GNAO1: variants seen among roughly 807,000 people sequenced by gnomAD.
The protein encoded by GNAO1 is guanine nucleotide-binding protein G(o) subunit alpha.
For synonymous variants in GNAO1, 164 were observed against 180.7 expected (o/e 0.91, Z 0.74); for missense variants, 166 against 478.7 (o/e 0.35, Z 6.10).
At chr16:56,285,455 C>T (rs1265015027) in intron 3 of GNAO1, among the ~76,000 whole-genome samples, 5 of 152,172 alleles carry the variant, frequency 3.3e-5, no homozygotes, top group Non-Finnish European at 7.3e-5. Context: ...ACCGCCTCCC[C>T]TCTGGAGAGG....
At chr16:56,262,600 T>TG (rs1175612163) in intron 2 of GNAO1, among the ~76,000 whole-genome samples, 5 of 152,188 alleles carry the variant, frequency 3.3e-5, no homozygotes, top group Non-Finnish European at 1.5e-5. Flanking sequence ...CAGCCGTACT[T>TG]GCGCATTCTC....
intron 2 of GNAO1, among the ~76,000 whole-genome samples, chr16:56,234,217 G>T (rs1472040433): frequency 6.6e-6 from 1 of 152,274 alleles, no homozygotes; most frequent in Non-Finnish European, 1.5e-5. Flanking sequence ...CCCAAGGAGA[G>T]TCTACCTGTC....
At chr16:56,228,343 T>C (rs2036553704) in intron 2 of GNAO1, among the ~76,000 whole-genome samples, 1 of 152,020 alleles carries the variant, frequency 6.6e-6, no homozygotes, top group South Asian at 2.1e-4. Flanking sequence ...ATGTTTGAGC[T>C]GGTAACCCTG....
chr16:56,351,687 G>T lies in GNAO1; in HGVS notation c.877+150G>T. 1.6e-6 allele frequency: 1 copy of T among 640,758 alleles called. No homozygotes were observed. Among genetic ancestry groups the T allele is most frequent in the Non-Finnish European group, 2.7e-6 (1 of 369,048 alleles). The allele number at this position is 640,758 out of a possible 1,614,324, so 39.7% of individuals were successfully genotyped here. On this transcript the variant is annotated intron_variant, in intron 7 of 8. Coordinates refer to ENST00000262493, the MANE Select transcript of GNAO1 (RefSeq NM_020988.3). This position sits in a 1 kb window ranked among gnomAD's most constrained non-coding sequence, Gnocchi z 6.1. ...TGGTGGGGCGCAAAAGAAAAACAGT[G>T]CTGTGCCACCAGGTTTGGGCTTCCC...
At chr16:56,232,989 C>CA (rs1269164371) in intron 2 of GNAO1, among the ~76,000 whole-genome samples, 7 of 152,206 alleles carry the variant, frequency 4.6e-5, no homozygotes, top group Non-Finnish European at 1.0e-4. Context: ...GGAAGGACTT[C>CA]ACCATAAGGA....
At chr16:56,273,826 C>G (rs140323712) in intron 2 of GNAO1, among the ~76,000 whole-genome samples, 143 of 152,322 alleles carry the variant, frequency 9.4e-4, no homozygotes, top group African/African-American at 3.1e-3. Flanking sequence ...AACAAGGACT[C>G]TTCACTCTGG....
Position 56,280,074 on chromosome 16 carries a change from G to T in GNAO1, c.303+4002G>T, listed in dbSNP as rs1384238126. Among the ~76,000 whole-genome samples the T allele has an allele frequency of 3.9e-5, 6 of 152,248 alleles. No individual in the cohort carries two copies. The East Asian group carries it at 9.6e-4, about 24-fold the overall frequency. On this transcript the variant is annotated intron_variant, in intron 3 of 8. Transcript: ENST00000262493. ...CACTACATCAACAGCTGTTGATTGAGTACCTACCATGTGTCGGGCTGGTAC... is the reference window on the plus strand; with the variant it reads ...CACTACATCAACAGCTGTTGATTGATTACCTACCATGTGTCGGGCTGGTAC...
At chr16:56,195,399 G>A (rs2036223769) in intron 2 of GNAO1, among the ~76,000 whole-genome samples, 1 of 152,170 alleles carries the variant, frequency 6.6e-6, no homozygotes, top group African/African-American at 2.4e-5. Flanking sequence ...ACAAAATGTG[G>A]GATTGGTGTC....
intron 2 of GNAO1, among the ~76,000 whole-genome samples, chr16:56,199,820 A>G (rs565543596): frequency 1.3e-5 from 2 of 152,308 alleles, no homozygotes; most frequent in Non-Finnish European, 2.9e-5. Context: ...CTTTAGTTCT[A>G]ATTTTCTTTA....
intron 6 of GNAO1, chr16:56,348,052 AT>A: frequency 1.0e-6 from 1 of 970,018 alleles, no homozygotes; most frequent in Non-Finnish European, 1.2e-6. Flanking sequence ...TCCCAACCCC[AT>A]CACTGCTGCC....
Position 56,228,254 on chromosome 16 carries a change from G to A in GNAO1, c.161+35638G>A, listed in dbSNP as rs533634276. 1.2e-4 allele frequency among the ~76,000 whole-genome samples: 18 copies of A among 152,292 alleles called. No individual in the cohort carries two copies. In the South Asian group the frequency reaches 3.5e-3, roughly 30 times the overall value. On this transcript the variant is annotated intron_variant, in intron 2 of 8. Transcript: ENST00000262493. ...CTTAGCCAGGGCCACCACCAGGCCA[G>A]ACTGGAATAGGCCGAGACATACCCA...
chr16:56,235,482 T>C (rs2036629754), intron 2 of GNAO1: 1 of 451,596 alleles, frequency 2.2e-6, no homozygotes, highest in Non-Finnish European at 4.4e-6. Flanking sequence ...CATTTCCCTT[T>C]GGCTCCTGGC....
rs542480773 is a variant in GNAO1, at chr16:56,313,550, T to C, written c.304-15081T>C. ...GGCTCGGTTCTCACACGTCTCTGCCTTCTCTCTGTTGTGATGTGTTGTTTG... is the reference window on the plus strand; with the variant it reads ...GGCTCGGTTCTCACACGTCTCTGCCCTCTCTCTGTTGTGATGTGTTGTTTG... On this transcript the variant is annotated intron_variant, in intron 3 of 8. Coordinates refer to ENST00000262493, the MANE Select transcript of GNAO1 (RefSeq NM_020988.3). 2.0e-5 allele frequency among the ~76,000 whole-genome samples: 3 copies of C among 152,230 alleles called. No homozygotes were observed. In the South Asian group the frequency reaches 6.2e-4, roughly 32 times the overall value.
intron 2 of GNAO1, among the ~76,000 whole-genome samples, chr16:56,228,455 ATATT>A (rs754221373): frequency 3.4e-4 from 51 of 151,182 alleles, no homozygotes; most frequent in African/African-American, 7.3e-4. Flanking sequence ...ATATACATAT[ATATT>A]TATTTATTTA....
intron 4 of GNAO1, among the ~76,000 whole-genome samples, chr16:56,332,718 T>C (rs2037701246): frequency 6.6e-6 from 1 of 152,228 alleles, no homozygotes; most frequent in African/African-American, 2.4e-5. Flanking sequence ...CACAGCCGTC[T>C]CCTTGCATGA....
rs1028776620 is a variant in GNAO1 at position 56,345,163 on chromosome 16, C to T, written c.724-6221C>T. 12 of 985,996 alleles carry T rather than the reference C, an allele frequency of 1.2e-5. No individual in the cohort carries two copies. In the African/African-American group the frequency reaches 1.6e-4, roughly 13 times the overall value. The allele number at this position is 985,996 out of a possible 1,614,324, so 61.1% of individuals were successfully genotyped here. ...GGGTAGCTTCTCCCGGTGACGGTGACGCAGGTCTGGCTGGCCTTGGGCAAC... is the reference window on the plus strand; with the variant it reads ...GGGTAGCTTCTCCCGGTGACGGTGATGCAGGTCTGGCTGGCCTTGGGCAAC... On this transcript the variant is annotated intron_variant, in intron 6 of 8. Coordinates refer to ENST00000262493, the MANE Select transcript of GNAO1 (RefSeq NM_020988.3).
At chr16:56,288,342 G>C (rs1385948101) in intron 3 of GNAO1, among the ~76,000 whole-genome samples, 1 of 152,208 alleles carries the variant, frequency 6.6e-6, no homozygotes, top group Non-Finnish European at 1.5e-5. Flanking sequence ...TGCTGAGGAC[G>C]GGGTATCTGA....
At chr16:56,279,576 C>T (rs1198072999) in intron 3 of GNAO1, among the ~76,000 whole-genome samples, 1 of 152,192 alleles carries the variant, frequency 6.6e-6, no homozygotes, top group Non-Finnish European at 1.5e-5. Flanking sequence ...TAAGGGCCCA[C>T]TATGCTTCAT....
At position 56,334,876 on chromosome 16, in the gene GNAO1, C is replaced by T; in HGVS notation, c.593+19C>T. On this transcript the variant is annotated intron_variant, in intron 5 of 8. Transcript: ENST00000262493. ...ACTTCAGGTGAGGCCCAGAGAGGCCCCCAGGCCCTGGCGAGGGCTAAGATG... is the reference window on the plus strand; with the variant it reads ...ACTTCAGGTGAGGCCCAGAGAGGCCTCCAGGCCCTGGCGAGGGCTAAGATG... The T allele has an allele frequency of 6.2e-7, 1 of 1,613,520 alleles. No homozygotes were observed. Among genetic ancestry groups the T allele is most frequent in the Non-Finnish European group, 8.5e-7 (1 of 1,179,750 alleles).
Sources: allele counts gnomAD v4.1 joint callset (sites outside exome capture counted in the v4.1 genomes callset), GRCh38; gene constraint gnomAD v4.1.1; non-coding constraint Gnocchi (gnomAD v3.1); transcripts MANE v1.5; gene names NCBI Gene and HGNC (gene_info 2026-07-23, HGNC 2026-07-21).